The following PDGFD variants were observed in gnomAD, a reference collection of about 807,000 sequenced individuals.
PDGFD encodes platelet derived growth factor D.
A neutral mutation model predicts 44.7 loss-of-function variants in PDGFD; 30 were observed. The observed-to-expected ratio is 0.67, with a 90% confidence interval of 0.50 to 0.91. The LOEUF is 0.91. PDGFD is among the 40% of genes least tolerant of loss of function. PDGFD has a pLI of 0.00. For synonymous variants in PDGFD, 173 were observed against 168.4 expected (o/e 1.03, Z -0.21); for missense variants, 445 against 457.8 (o/e 0.97, Z 0.25).
intron 3 of PDGFD, among the ~76,000 whole-genome samples, chr11:103,991,885 C>T (rs1859459415): frequency 6.6e-6 from 1 of 152,196 alleles, no homozygotes; most frequent in Non-Finnish European, 1.5e-5. Context: ...AGTCAGTATG[C>T]AGCAGAGCTG....
At chr11:104,045,097 C>G (rs1427415164) in intron 1 of PDGFD, among the ~76,000 whole-genome samples, 2 of 152,106 alleles carry the variant, frequency 1.3e-5, no homozygotes, top group Non-Finnish European at 2.9e-5. Context: ...TCCCTACATT[C>G]CTGGGGCAAA....
At chr11:104,105,013 T>A (rs1438945249) in intron 1 of PDGFD, among the ~76,000 whole-genome samples, 1 of 152,134 alleles carries the variant, frequency 6.6e-6, no homozygotes, top group East Asian at 1.9e-4. Flanking sequence ...TGAAATGAAA[T>A]GCAAATAGGT....
intron 1 of PDGFD, among the ~76,000 whole-genome samples, chr11:104,092,955 C>T (rs1410200802): frequency 6.6e-6 from 1 of 152,124 alleles, no homozygotes; most frequent in Non-Finnish European, 1.5e-5. Context: ...TTTCCTGTGA[C>T]ATTAAACAAT....
At chr11:103,915,069 T>C (rs1416805655) in intron 6 of PDGFD, among the ~76,000 whole-genome samples, 1 of 152,072 alleles carries the variant, frequency 6.6e-6, no homozygotes, top group Non-Finnish European at 1.5e-5. Flanking sequence ...CCACTCCTAT[T>C]CAAGATACTA....
At chr11:104,039,182 C>A (rs914790108) in intron 1 of PDGFD, 2 of 166,822 alleles carry the variant, frequency 1.2e-5, no homozygotes, top group East Asian at 1.9e-4. Context: ...ATTAAAACAG[C>A]GGATTCAAAA....
At chr11:104,059,419 T>C (rs1860675436) in intron 1 of PDGFD, among the ~76,000 whole-genome samples, 1 of 152,252 alleles carries the variant, frequency 6.6e-6, no homozygotes, top group South Asian at 2.1e-4. Context: ...TATCATCCAT[T>C]ATTTTGATAA....
intron 5 of PDGFD, among the ~76,000 whole-genome samples, chr11:103,938,254 T>C (rs997390604): frequency 3.2e-4 from 49 of 152,194 alleles, no homozygotes; most frequent in African/African-American, 1.1e-3. Context: ...TTCTAACTGG[T>C]GTGAGATGGT....
At chr11:104,103,480 A>G (rs539307280) in intron 1 of PDGFD, among the ~76,000 whole-genome samples, 2,537 of 135,642 alleles carry the variant, frequency 0.019, 92 homozygotes, top group African/African-American at 0.067. Context: ...ATATATATAT[A>G]TATATATATA....
intron 1 of PDGFD, among the ~76,000 whole-genome samples, chr11:104,152,836 A>T (rs1402284319): frequency 1.3e-5 from 2 of 152,142 alleles, no homozygotes; most frequent in Non-Finnish European, 2.9e-5. Context: ...CTTCACTCAC[A>T]CCACTGTTCA....
intron 1 of PDGFD, among the ~76,000 whole-genome samples, chr11:104,163,473 G>A (rs1862417520): frequency 6.6e-6 from 1 of 152,136 alleles, no homozygotes; most frequent in African/African-American, 2.4e-5. Context: ...CCAAGGGGCG[G>A]CGCAGCTTGC....
At chr11:103,977,609 AT>A (rs1283407303) in intron 3 of PDGFD, among the ~76,000 whole-genome samples, 1 of 152,090 alleles carries the variant, frequency 6.6e-6, no homozygotes, top group Non-Finnish European at 1.5e-5. Flanking sequence ...TATTTGTTGA[AT>A]CAGCCACTCG....
In PDGFD at chr11:104,000,260, T is replaced by C. The variant is rs1314131840; in HGVS notation, c.125-5A>G. On this transcript the variant is annotated splice_region_variant and splice_polypyrimidine_tract_variant and intron_variant, in intron 1 of 6. Coordinates refer to ENST00000393158, the MANE Select transcript of PDGFD (RefSeq NM_025208.5). ...AGTCTGTGAGGTGATTGCTCTCTGT[T>C]AGTAGTCACAACTTGTAGAAATTAG... 1 of 1,611,860 alleles carries C rather than the reference T, an allele frequency of 6.2e-7. No homozygotes were observed.
intron 3 of PDGFD, among the ~76,000 whole-genome samples, chr11:103,987,970 C>G (rs906979628): frequency 6.6e-6 from 1 of 152,122 alleles, no homozygotes; most frequent in Admixed American, 6.6e-5. Flanking sequence ...CTTTCTCTCC[C>G]TCAGGACTAT....
At chr11:104,142,270 T>C (rs78743673) in intron 1 of PDGFD, among the ~76,000 whole-genome samples, 11,088 of 152,176 alleles carry the variant, frequency 0.073, 473 homozygotes, top group East Asian at 0.11. Flanking sequence ...TGTGTGTGTG[T>C]ATTTATACAT....
intron 1 of PDGFD, among the ~76,000 whole-genome samples, chr11:104,033,680 C>A (rs1860166910): frequency 6.6e-6 from 1 of 152,040 alleles, no homozygotes; most frequent in Non-Finnish European, 1.5e-5. Context: ...CCAGTATAAT[C>A]CTCCTCGCTA....
intron 1 of PDGFD, among the ~76,000 whole-genome samples, chr11:104,061,394 G>A (rs954456673): frequency 6.6e-6 from 1 of 152,068 alleles, no homozygotes; most frequent in Non-Finnish European, 1.5e-5. Flanking sequence ...TATAACCAAT[G>A]ATATGCCAGT....
chr11:104,105,971 T>C (rs543479176), intron 1 of PDGFD, among the ~76,000 whole-genome samples: 77 of 152,290 alleles, frequency 5.1e-4, no homozygotes, highest in African/African-American at 1.8e-3. Context: ...AAATCCAGAA[T>C]GGCATGTGTA....
chr11:103,940,273 A>G (rs924463151), intron 5 of PDGFD, among the ~76,000 whole-genome samples: 10 of 152,094 alleles, frequency 6.6e-5, no homozygotes, highest in Admixed American at 3.9e-4. Context: ...TCTGCATTCT[A>G]TTTCAGAGTT....
rs1172129137 is a variant in PDGFD, at chr11:104,022,816, TACACACACATAG to T, written c.125-22573_125-22562del. On this transcript the variant is annotated intron_variant, in intron 1 of 6. Coordinates refer to ENST00000393158, the MANE Select transcript of PDGFD (RefSeq NM_025208.5). ...GTGTGTACATAGATATATATGTATA[TACACACACATAG>T]ACACACACACTCTAAGTTTATAGGC... 2.6e-5 allele frequency among the ~76,000 whole-genome samples: 4 copies of T among 152,184 alleles called. No homozygotes were observed. The East Asian group carries it at 7.7e-4, about 29-fold the overall frequency.
Sources: allele counts gnomAD v4.1 joint callset (sites outside exome capture counted in the v4.1 genomes callset), GRCh38; gene constraint gnomAD v4.1.1; transcripts MANE v1.5; gene names NCBI Gene and HGNC (gene_info 2026-07-23, HGNC 2026-07-21).